Variants in MBNL1 observed in about 807,000 individuals in gnomAD.
MBNL1 encodes the protein muscleblind-like protein 1.
In MBNL1, 8 loss-of-function variants were observed where a neutral mutation model predicts 42.2. That is an observed-to-expected ratio of 0.19 (90% confidence interval 0.11 to 0.34). The LOEUF is 0.34. MBNL1 is among the 10% of genes least tolerant of loss of function. The pLI, the probability that MBNL1 is intolerant of heterozygous loss-of-function variation, is 1.00. For missense variants in MBNL1, 309 were observed against 495.3 expected (o/e 0.62, Z 3.57); for synonymous variants, 169 against 173.9 (o/e 0.97, Z 0.22).
chr3:152,407,081 A>T (rs1480851644), intron 2 of MBNL1, among the ~76,000 whole-genome samples: 1 of 98,000 alleles, frequency 1.0e-5, no homozygotes, highest in African/African-American at 3.6e-5. Flanking sequence ...GTTTGTGTGA[A>T]CTTTTCACAG....
intron 3 of MBNL1, among the ~76,000 whole-genome samples, chr3:152,432,461 C>T (rs572740933): frequency 1.3e-5 from 2 of 151,984 alleles, no homozygotes; most frequent in African/African-American, 4.8e-5. Context: ...GTATTATAGA[C>T]CCTCAGCTAC....
intron 2 of MBNL1, among the ~76,000 whole-genome samples, chr3:152,349,891 C>T (rs1056386040): frequency 2.0e-5 from 3 of 151,996 alleles, no homozygotes; most frequent in Non-Finnish European, 4.4e-5. Context: ...GAGCATTGCC[C>T]TTTGCTAAGA....
chr3:152,269,207 G>T, intron 1 of MBNL1, 115 bp downstream of exon 1: 3 of 380,194 alleles, frequency 7.9e-6, no homozygotes, highest in Admixed American at 3.0e-5. Context: ...CGGTTCTCCC[G>T]GGCAGGGGCG....
intron 2 of MBNL1, among the ~76,000 whole-genome samples, chr3:152,343,895 TGAG>T (rs756513901): frequency 6.6e-6 from 1 of 152,108 alleles, no homozygotes; most frequent in Non-Finnish European, 1.5e-5. Flanking sequence ...ACCAGAGACT[TGAG>T]GAAAAATGTA....
chr3:152,310,510 A>G (rs985992945), intron 2 of MBNL1, among the ~76,000 whole-genome samples: 2 of 152,228 alleles, frequency 1.3e-5, no homozygotes, highest in Non-Finnish European at 2.9e-5. Context: ...AAAATATAGT[A>G]TATTGATTAT....
At chr3:152,364,584 T>C (rs2096241740) in intron 2 of MBNL1, among the ~76,000 whole-genome samples, 1 of 152,056 alleles carries the variant, frequency 6.6e-6, no homozygotes, top group Non-Finnish European at 1.5e-5. Flanking sequence ...GCATTACATA[T>C]TTATGGCCAG....
At chr3:152,252,800 A>G (rs973085143) in intron 2 of MBNL1, among the ~76,000 whole-genome samples, 1 of 152,182 alleles carries the variant, frequency 6.6e-6, no homozygotes, top group Non-Finnish European at 1.5e-5. Flanking sequence ...AAGAGTAATC[A>G]TAAATATACA....
chr3:152,338,780 T>C (rs1290141109), intron 2 of MBNL1: 46 of 832,116 alleles, frequency 5.5e-5, no homozygotes, highest in Non-Finnish European at 6.2e-5. Flanking sequence ...TGGGAAACTC[T>C]GTGTTTGATC....
chr3:152,421,504 T>G (rs187870961), intron 3 of MBNL1, among the ~76,000 whole-genome samples: 1 of 152,320 alleles, frequency 6.6e-6, no homozygotes, highest in Admixed American at 6.5e-5. Context: ...TACTGAGGCT[T>G]GAAGAGGCAG....
chr3:152,310,267 A>G (rs1172258309), intron 2 of MBNL1, among the ~76,000 whole-genome samples: 1 of 152,218 alleles, frequency 6.6e-6, no homozygotes, highest in East Asian at 1.9e-4. Flanking sequence ...TTTAGGTAGC[A>G]CATGTAGAAA....
At chr3:152,320,223 T>C (rs935805473) in intron 2 of MBNL1, among the ~76,000 whole-genome samples, 1 of 152,250 alleles carries the variant, frequency 6.6e-6, no homozygotes, top group African/African-American at 2.4e-5. Flanking sequence ...AGAGAATTTC[T>C]TTTTGTGTAA....
chr3:152,459,635 A>G (rs1351610199), intron 9 of MBNL1, among the ~76,000 whole-genome samples: 1 of 122,540 alleles, frequency 8.2e-6, no homozygotes, highest in South Asian at 2.4e-4. Flanking sequence ...GTGTAGATCA[A>G]GGGTTGGCAA....
chr3:152,334,695 C>A (rs1168233946), intron 2 of MBNL1, among the ~76,000 whole-genome samples: 1 of 152,028 alleles, frequency 6.6e-6, no homozygotes, highest in African/African-American at 2.4e-5. Context: ...TGGTAACATT[C>A]TTTCTTTCAT....
At chr3:152,336,081 C>A (rs1367897154) in intron 2 of MBNL1, among the ~76,000 whole-genome samples, 1 of 152,124 alleles carries the variant, frequency 6.6e-6, no homozygotes, top group African/African-American at 2.4e-5. Flanking sequence ...AATTTTTCCC[C>A]TTGCGATGCT....
At position 152,464,233 on chromosome 3, in the gene MBNL1, A is replaced by G. The variant is rs1374989539; in HGVS notation, c.*1867A>G. 6.6e-6 allele frequency: 1 copy of G among 152,448 alleles called. No homozygotes were observed. The highest frequency in any genetic ancestry group is 1.9e-4 in the East Asian group (1 of 5,204). The allele number at this position is 152,448 out of a possible 1,614,324, so 9.4% of individuals were successfully genotyped here. A position where few individuals can be genotyped will look rare whatever the true frequency, so the allele number is the denominator to read the frequency against. ...AGATTTTACCAATGAATTTTTCAAAATACAAAAAAAAGTAGTTTTTCCTTC... is the reference window on the plus strand; with the variant it reads ...AGATTTTACCAATGAATTTTTCAAAGTACAAAAAAAAGTAGTTTTTCCTTC... On this transcript the variant is annotated 3_prime_UTR_variant, in exon 10 of 10. Coordinates refer to ENST00000324210, the MANE Select transcript of MBNL1 (RefSeq NM_021038.5).
rs577761408 is a variant in MBNL1 at position 152,419,878 on chromosome 3, T to C, written c.345+4767T>C. 1.5e-4 allele frequency among the ~76,000 whole-genome samples: 23 copies of C among 152,272 alleles called. No individual in the cohort carries two copies. The South Asian group carries it at 4.8e-3, about 32-fold the overall frequency. On this transcript the variant is annotated intron_variant, in intron 3 of 9. Transcript: ENST00000324210. ...GATCCTGCTGGCTTGAAATTCTTGC[T>C]GCCAGCACCGCAGTCAACCTGAGAC...
At chr3:152,284,918 C>T (rs2050660080) in intron 1 of MBNL1, among the ~76,000 whole-genome samples, 1 of 152,102 alleles carries the variant, frequency 6.6e-6, no homozygotes, top group Non-Finnish European at 1.5e-5. Flanking sequence ...TCAAAATCAG[C>T]TACGGAGTAT....
At chr3:152,269,274 G>C (rs1477269183) in intron 1 of MBNL1, 182 bp downstream of exon 1, 1 of 354,054 alleles carries the variant, frequency 2.8e-6, no homozygotes, top group Non-Finnish European at 5.6e-6. Flanking sequence ...GGGGGAAGGC[G>C]GGAGGGTGAG....
At chr3:152,398,126 A>G (rs2098060773) in intron 2 of MBNL1, among the ~76,000 whole-genome samples, 2 of 152,234 alleles carry the variant, frequency 1.3e-5, no homozygotes, top group African/African-American at 4.8e-5. Context: ...ATTATTTTAA[A>G]TTATAGTTAA....
Sources: allele counts gnomAD v4.1 joint callset (sites outside exome capture counted in the v4.1 genomes callset), GRCh38; gene constraint gnomAD v4.1.1; transcripts MANE v1.5; gene names NCBI Gene and HGNC (gene_info 2026-07-23, HGNC 2026-07-21).